The following ADCY5 variants were observed in gnomAD, a reference collection of about 807,000 sequenced individuals.
ADCY5 encodes the protein adenylate cyclase 5.
Under a neutral mutation model 119.7 loss-of-function variants are expected in ADCY5, and 30 were observed. The observed-to-expected ratio is 0.25, with a 90% CI of 0.19 to 0.34. The LOEUF is 0.34. Among genes scored for constraint, ADCY5 ranks in the 10% least tolerant of loss-of-function variants. The probability of loss-of-function intolerance (pLI) is 1.00; values close to 1 mark genes in which losing one functional copy is unlikely to be tolerated. For missense variants in ADCY5, 1,324 were observed against 1,775.2 expected, an observed-to-expected ratio of 0.75 and a Z score of 4.57; for synonymous variants, 753 against 762.2, an observed-to-expected ratio of 0.99 and a Z score of 0.20.
chr3:123,437,839 T>A (rs1221463815), intron 1 of ADCY5, among the ~76,000 whole-genome samples: 1 of 152,184 alleles, frequency 6.6e-6, no homozygotes, highest in Non-Finnish European at 1.5e-5. Flanking sequence ...AGGGTCATTG[T>A]GCAGACCCAA....
At chr3:123,395,160 C>T (rs923768836) in intron 1 of ADCY5, among the ~76,000 whole-genome samples, 1 of 152,224 alleles carries the variant, frequency 6.6e-6, no homozygotes, top group African/African-American at 2.4e-5. Context: ...TGCCCAGACC[C>T]AGAGGGGAAT....
At chr3:123,290,270 C>T (rs1043740378) in intron 18 of ADCY5, among the ~76,000 whole-genome samples, 8 of 152,192 alleles carry the variant, frequency 5.3e-5, no homozygotes, top group African/African-American at 1.9e-4. Context: ...ACACCTCCAT[C>T]CCACCCAGGG....
intron 1 of ADCY5, among the ~76,000 whole-genome samples, chr3:123,408,633 G>T (rs572067877): frequency 6.7e-6 from 1 of 148,222 alleles, no homozygotes; most frequent in African/African-American, 2.5e-5. Flanking sequence ...TCCAGCCTGG[G>T]CGACAGAGCA....
chr3:123,339,119 C>A (rs1942159743), intron 3 of ADCY5, among the ~76,000 whole-genome samples: 1 of 152,160 alleles, frequency 6.6e-6, no homozygotes, highest in Admixed American at 6.5e-5. Flanking sequence ...GCTGAAGGTG[C>A]CGGGGAAGTA....
intron 1 of ADCY5, among the ~76,000 whole-genome samples, chr3:123,406,855 G>A (rs537165915): frequency 1.3e-5 from 2 of 152,046 alleles, no homozygotes; most frequent in Non-Finnish European, 2.9e-5. Context: ...TCCAGAACAC[G>A]CCACTGCCTT....
intron 1 of ADCY5, among the ~76,000 whole-genome samples, chr3:123,406,473 C>T (rs912387579): frequency 1.3e-5 from 2 of 152,336 alleles, no homozygotes; most frequent in Admixed American, 6.5e-5. Context: ...ATAAAACCTA[C>T]GGTTTAAAAT....
Position 123,347,689 on chromosome 3 carries a change from G to T in ADCY5, c.1406+93C>A, listed in dbSNP as rs570897176. The T allele has an allele frequency of 2.1e-5, 31 of 1,473,664 alleles. No homozygotes were observed. In the East Asian group the frequency reaches 5.2e-4, roughly 25 times the overall value. 91.3% of individuals were successfully genotyped at this position (1,473,664 alleles called of 1,614,324 possible). Reference sequence around the variant, plus strand: ...CACTCCAAAGTCACCAAGCCACCCTGTCGGGCTGTGCCCACTTGAAAGGAA... The same window carrying T: ...CACTCCAAAGTCACCAAGCCACCCTTTCGGGCTGTGCCCACTTGAAAGGAA... On this transcript the variant is annotated intron_variant, in intron 3 of 20. Transcript: ENST00000462833.
chr3:123,318,892 C>A (rs1434326096), intron 10 of ADCY5, among the ~76,000 whole-genome samples: 2 of 152,200 alleles, frequency 1.3e-5, no homozygotes, highest in African/African-American at 4.8e-5. Context: ...TTCTCATTCA[C>A]AATGTGAAGA....
At chr3:123,423,284 C>T (rs1406885485) in intron 1 of ADCY5, among the ~76,000 whole-genome samples, 4 of 152,236 alleles carry the variant, frequency 2.6e-5, no homozygotes, top group African/African-American at 9.6e-5. Context: ...GAATCCTGAC[C>T]CCTGGCTATA....
In ADCY5 at chr3:123,289,778, G is replaced by A. The variant is rs745400632; in HGVS notation, c.3504C>T (p.His1168=). The part of the protein sequence containing the change: ...LMDQMKYINE[H]SFNNFQMKIG... ...TCTTCATCTGGAAGTTGTTGAAGGAGTGCTCATTGATGTACTTCATCTGGT... is the reference window on the plus strand; with the variant it reads ...TCTTCATCTGGAAGTTGTTGAAGGAATGCTCATTGATGTACTTCATCTGGT... The change falls in exon 19 of 21, where the codon CAC becomes CAT. Residue 1168 remains histidine (H), a synonymous_variant. Coordinates refer to ENST00000462833, the MANE Select transcript of ADCY5 (RefSeq NM_183357.3). 4.2e-5 allele frequency: 67 copies of A among 1,613,990 alleles called. No individual in the cohort carries two copies. Among genetic ancestry groups the A allele is most frequent in the Non-Finnish European group, 5.5e-5 (65 of 1,180,048 alleles).
At position 123,330,927 on chromosome 3, in the gene ADCY5, G is replaced by A. The variant is rs769130232; in HGVS notation, c.1608C>T (p.Cys536=). The A allele has an allele frequency of 9.3e-6, 15 of 1,613,950 alleles. No homozygotes were observed. Among genetic ancestry groups the A allele is most frequent in the Non-Finnish European group, 1.3e-5 (15 of 1,179,926 alleles). ...TCATGTCCATGCCCATCTCCACACA[G>A]CAGTGGGCGTGGTCAGCCCTTGCTT... ...LPEARADHAH[C]CVEMGMDMIE... Residue 536 remains cysteine, a synonymous_variant, in exon 5 of 21, where the codon TGC becomes TGT. Coordinates refer to ENST00000462833, the MANE Select transcript of ADCY5 (RefSeq NM_183357.3).
At chr3:123,327,374 G>A (rs1261607159) in intron 7 of ADCY5, among the ~76,000 whole-genome samples, 2 of 152,220 alleles carry the variant, frequency 1.3e-5, no homozygotes, top group African/African-American at 2.4e-5. Context: ...GACTTCTGAT[G>A]TCTTGTTGCT....
Position 123,296,921 on chromosome 3 carries a change from C to G in ADCY5, c.2930+432G>C, listed in dbSNP as rs1169265724. On this transcript the variant is annotated intron_variant, in intron 16 of 20. Transcript: ENST00000462833. ...CAGAGGCTCCAGTGACCCCCCGCCC[C>G]TTGCCCAGGCAGCAGCCCTCAATGC... The G allele has an allele frequency of 5.5e-6, 8 of 1,461,288 alleles. No individual in the cohort carries two copies. In the Admixed American group the frequency reaches 6.2e-5, roughly 11 times the overall value. 90.5% of individuals were successfully genotyped at this position (1,461,288 alleles called of 1,614,324 possible).
At chr3:123,433,326 C>G (rs1409693216) in intron 1 of ADCY5, among the ~76,000 whole-genome samples, 1 of 152,168 alleles carries the variant, frequency 6.6e-6, no homozygotes, top group African/African-American at 2.4e-5. Context: ...GCTGGCATCA[C>G]CTACAGGGAG....
intron 14 of ADCY5, among the ~76,000 whole-genome samples, chr3:123,301,198 A>C (rs1310108922): frequency 6.6e-6 from 1 of 152,030 alleles, no homozygotes; most frequent in East Asian, 1.9e-4. Flanking sequence ...TACTATTTTA[A>C]TTTAGCACCG....
chr3:123,435,011 G>A (rs368438419), intron 1 of ADCY5, among the ~76,000 whole-genome samples: 16 of 152,154 alleles, frequency 1.1e-4, no homozygotes, highest in African/African-American at 3.4e-4. Context: ...GAGGCTGGGC[G>A]CAGTGGCACA....
chr3:123,330,044 G>A (rs757161268), intron 5 of ADCY5, among the ~76,000 whole-genome samples: 10 of 152,130 alleles, frequency 6.6e-5, no homozygotes, highest in Admixed American at 2.6e-4. Flanking sequence ...TCCACATGAC[G>A]TGCCTTGTAT....
intron 1 of ADCY5, among the ~76,000 whole-genome samples, chr3:123,425,108 C>T (rs957241173): frequency 1.4e-5 from 1 of 71,804 alleles, no homozygotes; most frequent in Non-Finnish European, 2.8e-5. Flanking sequence ...CAGAGAGGGG[C>T]CCATCCTGGT....
Position 123,352,459 on chromosome 3 carries a change from G to T in ADCY5, c.1257C>A (p.Leu419=). The part of the protein sequence containing the change: ...QETRECIQAR[L]HSQRENQQQE... The stretch of plus-strand genomic sequence containing the variant: ...GCTGCTGGTTCTCCCGCTGCGAGTG[G>T]AGCCGCGCCTGGATGCACTCTCGGG... The change falls in exon 2 of 21, where the codon CTC becomes CTA. Residue 419 remains leucine, a synonymous_variant. Transcript: ENST00000462833. This position sits in a 1 kb window ranked among gnomAD's most constrained non-coding sequence, Gnocchi z 4.8. The T allele has an allele frequency of 1.2e-6, 2 of 1,613,484 alleles. No homozygotes were observed. Among genetic ancestry groups the T allele is most frequent in the Non-Finnish European group, 1.7e-6 (2 of 1,179,904 alleles).
Sources: gnomAD v4.1 joint callset for allele counts (sites outside exome capture counted in the v4.1 genomes callset) on GRCh38, gnomAD v4.1.1 for gene constraint, Gnocchi (gnomAD v3.1) non-coding constraint, MANE v1.5 for transcripts, NCBI Gene and HGNC (gene_info 2026-07-23, HGNC 2026-07-21) for gene names.